Variants in PAH observed in about 807,000 individuals in gnomAD.
PAH encodes the protein phenylalanine-4-hydroxylase.
Under a neutral mutation model 62.0 loss-of-function variants are expected in PAH, and 64 were observed. That is an observed-to-expected ratio of 1.03 (90% CI 0.84 to 1.27). PAH has a LOEUF of 1.27. PAH is among the 50% of genes most tolerant of loss of function. The probability of loss-of-function intolerance (pLI) is 0.00; values close to 1 mark genes in which losing one functional copy is unlikely to be tolerated. For synonymous variants in PAH, 195 were observed against 196.2 expected, an observed-to-expected ratio of 0.99 and a Z score of 0.05; for missense variants, 579 against 542.8, an observed-to-expected ratio of 1.07 and a Z score of -0.66.
chr12:102,844,202 A>G (rs985531555), intron 10 of PAH, 134 bp downstream of exon 10: 2 of 712,150 alleles, frequency 2.8e-6, no homozygotes, highest in Non-Finnish European at 2.5e-6. Flanking sequence ...TAAGGTACCA[A>G]TCACTGGAGA....
chr12:102,855,146 C>T lies in PAH; in HGVS notation c.696G>A (p.Gln232=), dbSNP rs1126758. ...DNIPQLEDVS[Q]FLQTCTGFRL... ...CTGATGTGGACTTACTCTGCAGGAACTGAGAAACGTCTTCCAGCTGGGGAA... is the reference window on the plus strand; with the variant it reads ...CTGATGTGGACTTACTCTGCAGGAATTGAGAAACGTCTTCCAGCTGGGGAA... The change falls in exon 6 of 13, where the codon CAG becomes CAA. Residue 232 remains glutamine, a synonymous_variant. Transcript: ENST00000553106. 0.6 allele frequency: 966,162 copies of T among 1,612,432 alleles called. 297,854 individuals carry two copies. Among genetic ancestry groups the T allele is most frequent in the African/African-American group, 0.78 (58,189 of 74,936 alleles).
intron 1 of PAH, among the ~76,000 whole-genome samples, chr12:102,936,409 G>C (rs868209923): frequency 6.6e-6 from 1 of 152,104 alleles, no homozygotes; most frequent in Non-Finnish European, 1.5e-5. Context: ...TTGGTCTATA[G>C]TGCAGATTAC....
chr12:102,937,675 G>A (rs73395407), intron 1 of PAH, among the ~76,000 whole-genome samples: 4,934 of 151,548 alleles, frequency 0.033, 278 homozygotes, highest in African/African-American at 0.11. Flanking sequence ...TCATCTTTTC[G>A]TCATTCTACT....
chr12:102,853,051 G>T, intron 6 of PAH, 101 bp from the exon 7 acceptor site: 1 of 1,303,562 alleles, frequency 7.7e-7, no homozygotes, highest in Non-Finnish European at 1.1e-6. Context: ...ACTGCCCAGG[G>T]ACATAGGCTT....
chr12:102,940,627 A>C (rs1225109690), intron 1 of PAH, among the ~76,000 whole-genome samples: 1 of 152,260 alleles, frequency 6.6e-6, no homozygotes, highest in African/African-American at 2.4e-5. Flanking sequence ...ATAAGGAAAA[A>C]CAAAATTTTT....
chr12:102,911,735 C>T (rs898078180), intron 2 of PAH, among the ~76,000 whole-genome samples: 2 of 152,176 alleles, frequency 1.3e-5, no homozygotes, highest in African/African-American at 4.8e-5. Context: ...GTGCTGAGAA[C>T]ATCATAGGTT....
upstream of PAH, chr12:102,958,424 G>GCAA: frequency 6.5e-7 from 1 of 1,547,458 alleles, no homozygotes; most frequent in Non-Finnish European, 8.7e-7. Context: ...AGCAGCAGCA[G>GCAA]CAGCAGGCGC....
chr12:102,859,467 C>G (rs1216771700), intron 5 of PAH, among the ~76,000 whole-genome samples: 2 of 152,198 alleles, frequency 1.3e-5, no homozygotes, highest in Non-Finnish European at 2.9e-5. Context: ...CTCCCTAACT[C>G]ATTTTATGAG....
chr12:102,910,530 C>A (rs990034042), intron 2 of PAH, among the ~76,000 whole-genome samples: 1 of 152,054 alleles, frequency 6.6e-6, no homozygotes, highest in Non-Finnish European at 1.5e-5. Context: ...ACCACCACGC[C>A]GGGCTAATTT....
At chr12:102,948,100 A>T (rs924059499) in intron 1 of PAH, among the ~76,000 whole-genome samples, 1 of 152,228 alleles carries the variant, frequency 6.6e-6, no homozygotes, top group Non-Finnish European at 1.5e-5. Context: ...GTGGGTGTTG[A>T]CTAATGTTCA....
intron 3 of PAH, among the ~76,000 whole-genome samples, chr12:102,887,374 A>AATCCAAATTCTCATTTG (rs1877085067): frequency 6.6e-6 from 1 of 151,990 alleles, no homozygotes; most frequent in Admixed American, 6.6e-5. Flanking sequence ...TGGAAATGAG[A>AATCCAAATTCTCATTTG]GATCATTCAC....
chr12:102,886,978 G>A (rs1522305), intron 3 of PAH, among the ~76,000 whole-genome samples: 2 of 152,052 alleles, frequency 1.3e-5, no homozygotes, highest in African/African-American at 4.8e-5. Context: ...AGAAGGAGTA[G>A]TAAGAGAAGG....
intron 5 of PAH, among the ~76,000 whole-genome samples, chr12:102,864,783 CAA>C (rs1234788708): frequency 2.8e-5 from 3 of 108,460 alleles, no homozygotes; most frequent in African/African-American, 1.1e-4. Flanking sequence ...AGCAAGTAGG[CAA>C]ATTCGCAAAA....
At chr12:102,929,032 T>G (rs868136291) in intron 1 of PAH, among the ~76,000 whole-genome samples, 8 of 152,284 alleles carry the variant, frequency 5.3e-5, no homozygotes, top group South Asian at 2.1e-4. Flanking sequence ...TCAGGATATC[T>G]GATGGTTTTA....
Position 102,894,866 on chromosome 12 carries a change from T to G in PAH, c.221A>C (p.Lys74Thr). ...ATGGGTGAAAAATTCATACTCATCT[T>G]TCTTTAAACGAGAAGGTCTAGATTC... ...HIESRPSRLK[K>T]DEYEFFTHLD... The change falls in exon 3 of 13, where the codon AAA (lysine) becomes ACA (threonine). Residue 74 changes from lysine to threonine, a missense_variant. Coordinates refer to ENST00000553106, the MANE Select transcript of PAH (RefSeq NM_000277.3). 1.2e-6 allele frequency: 2 copies of G among 1,613,970 alleles called. No individual in the cohort carries two copies. Among genetic ancestry groups the G allele is most frequent in the Non-Finnish European group, 1.7e-6 (2 of 1,179,870 alleles).
Position 102,840,490 on chromosome 12 carries a change from G to A in PAH, c.1225C>T (p.Pro409Ser), listed in dbSNP as rs1457736410. The A allele has an allele frequency of 6.2e-7, 1 of 1,613,798 alleles. No homozygotes were observed. Among genetic ancestry groups the A allele is most frequent in the Non-Finnish European group, 8.5e-7 (1 of 1,179,764 alleles). Residue 409 changes from proline to serine, a missense_variant, in exon 12 of 13, where the codon CCC (proline) becomes TCC (serine). Pro to Ser is a moderately conservative substitution (Grantham distance 74). Transcript: ENST00000553106. ...VRNFAATIPR[P>S]FSVRYDPYTQ... ...TATGGGTCGTAGCGAACTGAGAAGG[G>A]CCGAGGTATTGTGGCAGCAAAGTTC... is the stretch of plus-strand genomic sequence containing the variant.
In PAH at chr12:102,877,568, C is replaced by T. The variant is rs1876629905; in HGVS notation, c.353-18G>A. ...CCAGGGCACTGAAACACAGAGAAGGCAACGTCCTGAGTACAGATTGGCAGA... is the reference window on the plus strand; with the variant it reads ...CCAGGGCACTGAAACACAGAGAAGGTAACGTCCTGAGTACAGATTGGCAGA... On this transcript the variant is annotated intron_variant, in intron 3 of 12. Coordinates refer to ENST00000553106, the MANE Select transcript of PAH (RefSeq NM_000277.3). 2.5e-6 allele frequency: 4 copies of T among 1,594,134 alleles called. No homozygotes were observed. Among genetic ancestry groups the T allele is most frequent in the Middle Eastern group, 1.7e-4 (1 of 6,052 alleles).
At chr12:102,890,081 CCTT>C (rs1261517006) in intron 3 of PAH, among the ~76,000 whole-genome samples, 1 of 152,160 alleles carries the variant, frequency 6.6e-6, no homozygotes, top group Non-Finnish European at 1.5e-5. Flanking sequence ...CTGTAATTAA[CCTT>C]CTCTTAAGCT....
At chr12:102,931,327 C>A (rs1433218964) in intron 1 of PAH, among the ~76,000 whole-genome samples, 1 of 152,134 alleles carries the variant, frequency 6.6e-6, no homozygotes, top group East Asian at 1.9e-4. Flanking sequence ...TCCCCCACAA[C>A]TTAAAGCTTA....
Sources: allele counts gnomAD v4.1 joint callset (sites outside exome capture counted in the v4.1 genomes callset), GRCh38; gene constraint gnomAD v4.1.1; transcripts MANE v1.5; gene names NCBI Gene and HGNC (gene_info 2026-07-23, HGNC 2026-07-21).